Variants in ZFYVE9 observed in about 807,000 individuals in gnomAD.
ZFYVE9 encodes zinc finger FYVE-type containing 9, also known as zinc finger FYVE domain-containing protein 9.
ZFYVE9 carries 43 observed loss-of-function variants against 126.7 expected under a neutral mutation model. The ratio of observed to expected loss-of-function variants is 0.34; its 90% CI spans 0.27 to 0.44. The LOEUF (loss-of-function observed/expected upper bound fraction) is 0.44. Ranked by LOEUF, ZFYVE9 falls within the 20% of genes least tolerant of loss-of-function variation. The probability of loss-of-function intolerance (pLI) is 1.00; values close to 1 mark genes in which losing one functional copy is unlikely to be tolerated. For missense variants in ZFYVE9, 1,476 were observed against 1,697.0 expected, an observed-to-expected ratio of 0.87 and a Z score of 2.29; for synonymous variants, 521 against 597.4, an observed-to-expected ratio of 0.87 and a Z score of 1.87.
intron 4 of ZFYVE9, among the ~76,000 whole-genome samples, chr1:52,257,537 G>A (rs1020223055): frequency 2.6e-5 from 4 of 152,050 alleles, no homozygotes; most frequent in Admixed American, 2.0e-4. Flanking sequence ...CAGGTCATAC[G>A]GATCCTGCCA....
intron 13 of ZFYVE9, among the ~76,000 whole-genome samples, chr1:52,309,981 T>C (rs1646123078): frequency 6.6e-6 from 1 of 152,190 alleles, no homozygotes; most frequent in Admixed American, 6.5e-5. Context: ...TGTATTTTTT[T>C]GAGACAGAGT....
At chr1:52,271,062 G>T (rs1284738946) in intron 7 of ZFYVE9, among the ~76,000 whole-genome samples, 1 of 152,194 alleles carries the variant, frequency 6.6e-6, no homozygotes, top group Non-Finnish European at 1.5e-5. Flanking sequence ...GATGGCACAT[G>T]CCTGCAGTCC....
At chr1:52,155,225 CT>C (rs1341361810) in intron 1 of ZFYVE9, among the ~76,000 whole-genome samples, 49 of 139,318 alleles carry the variant, frequency 3.5e-4, no homozygotes, top group African/African-American at 8.0e-4. Flanking sequence ...AGCTGTTTTT[CT>C]TTTTTTTCTT....
chr1:52,255,969 TTTCTTTCTTTCTTTCC>T (rs1557484237), intron 4 of ZFYVE9, among the ~76,000 whole-genome samples: 1 of 86,668 alleles, frequency 1.2e-5, no homozygotes, highest in African/African-American at 6.1e-5. Flanking sequence ...TTTTCTTTTC[TTTCTTTCTTTCTTTCC>T]TTCCTTCCTT....
chr1:52,301,739 C>T (rs150498239), intron 12 of ZFYVE9, among the ~76,000 whole-genome samples: 21 of 152,296 alleles, frequency 1.4e-4, no homozygotes, highest in African/African-American at 2.9e-4. Context: ...TTATAGTTTT[C>T]ATCTGATATT....
In ZFYVE9 at chr1:52,180,626, TTC is replaced by T. The variant is rs1295340924; in HGVS notation, c.-142-35741_-142-35740del. 2,371 of 499,082 alleles carry T rather than the reference TTC, an allele frequency of 4.8e-3. 7 individuals are homozygous for T. The highest frequency in any genetic ancestry group is 6.1e-3 in the Non-Finnish European group (1,696 of 276,658). The allele number at this position is 499,082 out of a possible 1,614,324, so 30.9% of individuals were successfully genotyped here. ...TAAAAAAGGATAAAGTAAGAATGAA[TTC>T]TTCTGGTTTTTAGTTTTGTACAAAT... On this transcript the variant is annotated intron_variant, in intron 1 of 18. Coordinates refer to ENST00000287727, the MANE Select transcript of ZFYVE9 (RefSeq NM_004799.4).
intron 13 of ZFYVE9, among the ~76,000 whole-genome samples, chr1:52,311,330 T>C (rs956513627): frequency 1.2e-4 from 18 of 149,842 alleles, no homozygotes; most frequent in Non-Finnish European, 2.4e-4. Context: ...GGTGGCACGA[T>C]CTTGGCTCAC....
intron 14 of ZFYVE9, among the ~76,000 whole-genome samples, chr1:52,333,519 C>T (rs1356133831): frequency 1.3e-5 from 2 of 152,106 alleles, no homozygotes; most frequent in African/African-American, 2.4e-5. Context: ...TGCATTTTAA[C>T]GAGATCTCTG....
In ZFYVE9 at chr1:52,174,464, G is replaced by A. The variant is rs1470040147; in HGVS notation, c.-143+32061G>A. On this transcript the variant is annotated intron_variant, in intron 1 of 18. Coordinates refer to ENST00000287727, the MANE Select transcript of ZFYVE9 (RefSeq NM_004799.4). The stretch of plus-strand genomic sequence containing the variant: ...TGGAATAGGTGTGGTGTGGTGCTGA[G>A]AATAATGTATATTCTGTTGATTTGG... 3.9e-5 allele frequency among the ~76,000 whole-genome samples: 6 copies of A among 152,278 alleles called. No individual in the cohort carries two copies. The East Asian group carries it at 7.7e-4, about 20-fold the overall frequency.
intron 13 of ZFYVE9, among the ~76,000 whole-genome samples, chr1:52,316,829 A>G (rs1280954830): frequency 6.6e-6 from 1 of 152,244 alleles, no homozygotes; most frequent in Non-Finnish European, 1.5e-5. Context: ...CTTGAAGAAC[A>G]CAGCCAATTT....
At chr1:52,294,472 A>G (rs2147831670) in intron 11 of ZFYVE9, among the ~76,000 whole-genome samples, 1 of 152,344 alleles carries the variant, frequency 6.6e-6, no homozygotes. Context: ...TTATTTATTT[A>G]TTCAGTAAGA....
chr1:52,157,394 CTTTT>C (rs71579908), intron 1 of ZFYVE9, among the ~76,000 whole-genome samples: 11 of 58,462 alleles, frequency 1.9e-4, no homozygotes, highest in Admixed American at 3.3e-4. Context: ...ACCATATTCT[CTTTT>C]TTTTTTTTTT....
intron 6 of ZFYVE9, 100 bp downstream of exon 6, chr1:52,266,931 A>C: frequency 8.7e-7 from 1 of 1,150,372 alleles, no homozygotes; most frequent in Non-Finnish European, 1.2e-6. Context: ...AACACTGCAG[A>C]TAAGTCTCTT....
At chr1:52,296,584 A>G (rs933270798) in intron 12 of ZFYVE9, among the ~76,000 whole-genome samples, 1 of 152,052 alleles carries the variant, frequency 6.6e-6, no homozygotes, top group Admixed American at 6.6e-5. Flanking sequence ...GCTTGAGTCC[A>G]CTAAGTTCTC....
intron 1 of ZFYVE9, chr1:52,179,741 G>A (rs193107584): frequency 6.9e-5 from 28 of 403,772 alleles, no homozygotes; most frequent in Admixed American, 3.5e-4. Context: ...TTATAGGAGC[G>A]GAGGAGGAGA....
chr1:52,186,515 G>T (rs1644766989), intron 1 of ZFYVE9, among the ~76,000 whole-genome samples: 1 of 152,104 alleles, frequency 6.6e-6, no homozygotes, highest in African/African-American at 2.4e-5. Context: ...AGGAAGAAAA[G>T]AAGTAAAACT....
chr1:52,244,702 G>A (rs1033722069), intron 4 of ZFYVE9, among the ~76,000 whole-genome samples: 24 of 152,072 alleles, frequency 1.6e-4, no homozygotes, highest in Admixed American at 9.2e-4. Flanking sequence ...TGACTTAATG[G>A]GTTAGAATCA....
At position 52,239,010 on chromosome 1, in the gene ZFYVE9, T is replaced by C. The variant is rs2124631209; in HGVS notation, c.1593T>C (p.Ser531=). The C allele has an allele frequency of 2.5e-6, 4 of 1,613,738 alleles. No individual in the cohort carries two copies. In the South Asian group the frequency reaches 3.3e-5, roughly 13 times the overall value. Residue 531 remains serine (S), a synonymous_variant, in exon 4 of 19, where the codon AGT becomes AGC. Transcript: ENST00000287727. The stretch of plus-strand genomic sequence containing the variant: ...GAGGAAATGAGGCCACAGAAGGGAG[T>C]GGACTACTTTTAAACAGCACTGGTG... ...EQRGNEATEG[S]GLLLNSTGDL...
intron 1 of ZFYVE9, chr1:52,162,734 TCGGCTC>T (rs1002992170): frequency 4.6e-5 from 14 of 301,078 alleles, no homozygotes; most frequent in African/African-American, 3.1e-4. Context: ...GAGAATGACT[TCGGCTC>T]CTTCACTGCC....
Sources: allele counts gnomAD v4.1 joint callset (sites outside exome capture counted in the v4.1 genomes callset), GRCh38; gene constraint gnomAD v4.1.1; transcripts MANE v1.5; gene names NCBI Gene and HGNC (gene_info 2026-07-23, HGNC 2026-07-21).